PRSS23: variants seen among roughly 807,000 people sequenced by gnomAD.
The protein encoded by PRSS23 is serine protease 23.
A neutral mutation model predicts 34.7 loss-of-function variants in PRSS23; 25 were observed. That is an observed-to-expected ratio of 0.72 (90% CI 0.53 to 1.01). The LOEUF (loss-of-function observed/expected upper bound fraction) is 1.01. Ranked by LOEUF, PRSS23 falls within the 50% of genes least tolerant of loss-of-function variation. PRSS23 has a pLI of 0.00. For missense variants in PRSS23, 445 were observed against 475.6 expected (o/e 0.94, Z 0.60); for synonymous variants, 176 against 186.6 (o/e 0.94, Z 0.46).
chr11:86,808,259 G>T lies in PRSS23; in HGVS notation c.616G>T (p.Ala206Ser), dbSNP rs1676038478. ...KPKFKDGGRG[A>S]NDSTSAMPEQ... ...CAAGTTTAAAGATGGTGGTCGAGGGGCCAACGACTCCACTTCAGCCATGCC... is the reference window on the plus strand; with the variant it reads ...CAAGTTTAAAGATGGTGGTCGAGGGTCCAACGACTCCACTTCAGCCATGCC... Residue 206 changes from alanine (A) to serine (S), a missense_variant, in exon 2 of 2, where the codon GCC becomes TCC. Physicochemically the swap from Ala to Ser is moderately conservative, Grantham distance 99. Coordinates refer to ENST00000280258, the MANE Select transcript of PRSS23 (RefSeq NM_007173.6). 1 of 1,614,078 alleles carries T rather than the reference G, an allele frequency of 6.2e-7. No homozygotes were observed. Among genetic ancestry groups the T allele is most frequent in the Non-Finnish European group, 8.5e-7 (1 of 1,180,046 alleles).
chr11:86,871,116 G>C lies in PRSS23; in HGVS notation c.206+47523G>C, dbSNP rs141739265. Among the ~76,000 whole-genome samples, 258 of 152,210 alleles carry C rather than the reference G, an allele frequency of 1.7e-3. 2 individuals carry two copies. The highest frequency in any genetic ancestry group is 6.0e-3 in the African/African-American group (248 of 41,522). On this transcript the variant is annotated intron_variant, in intron 2 of 2. Transcript: ENST00000533902. ...CTTAGACTATATTTTCCTTTGAAGAGCATGGAGTTTTATTTTAGCACGCAC... is the reference window on the plus strand; with the variant it reads ...CTTAGACTATATTTTCCTTTGAAGACCATGGAGTTTTATTTTAGCACGCAC...
chr11:86,819,678 C>T (rs557219610), intron 1 of PRSS23, among the ~76,000 whole-genome samples: 14 of 152,258 alleles, frequency 9.2e-5, no homozygotes, highest in Middle Eastern at 3.4e-3. Context: ...TCTCAGTATA[C>T]TACTGTTCCC....
intron 2 of PRSS23, among the ~76,000 whole-genome samples, chr11:86,930,917 C>A (rs941516110): frequency 1.3e-5 from 2 of 151,972 alleles, no homozygotes; most frequent in African/African-American, 2.4e-5. Flanking sequence ...AGAAAAACAG[C>A]GGGCAGGAAG....
chr11:86,883,292 A>C (rs1948783116), intron 2 of PRSS23, among the ~76,000 whole-genome samples: 6 of 152,256 alleles, frequency 3.9e-5, no homozygotes, highest in Admixed American at 3.9e-4. Context: ...GTACAAAAAC[A>C]GACACATAGG....
intron 2 of PRSS23, chr11:86,934,999 A>T (rs1949151820): frequency 6.6e-6 from 1 of 152,246 alleles, no homozygotes; most frequent in African/African-American, 2.4e-5. Flanking sequence ...ACACATACAT[A>T]AAATCCTTAA....
chr11:86,814,866 C>T (rs1948204355), downstream of PRSS23, among the ~76,000 whole-genome samples: 1 of 152,154 alleles, frequency 6.6e-6, no homozygotes, highest in Non-Finnish European at 1.5e-5. Flanking sequence ...CCAATGTTTT[C>T]TGAGAGGCAG....
chr11:86,797,328 T>C (rs1463272988), upstream of PRSS23, among the ~76,000 whole-genome samples: 1 of 152,220 alleles, frequency 6.6e-6, no homozygotes. Flanking sequence ...TGGTCATTTG[T>C]CTCAGAGGTC....
chr11:86,939,426 A>ATATATATATATATATTTTTTTTTT, intron 2 of PRSS23, among the ~76,000 whole-genome samples: 1 of 94,074 alleles, frequency 1.1e-5, no homozygotes, highest in East Asian at 3.0e-4. Flanking sequence ...ATATATATAT[A>ATATATATATATATATTTTTTTTTT]TTTTTTAACA....
chr11:86,902,135 T>TG (rs1436537390), intron 2 of PRSS23, among the ~76,000 whole-genome samples: 2 of 152,162 alleles, frequency 1.3e-5, no homozygotes. Flanking sequence ...TTGTGGAGTT[T>TG]TCTTTCACTG....
intron 2 of PRSS23, among the ~76,000 whole-genome samples, chr11:86,894,320 T>G (rs1055294208): frequency 1.3e-5 from 2 of 152,234 alleles, no homozygotes; most frequent in Admixed American, 6.5e-5. Flanking sequence ...AGAATTTGTT[T>G]GCATATGGAA....
intron 2 of PRSS23, among the ~76,000 whole-genome samples, chr11:86,877,152 C>T (rs1948730330): frequency 6.6e-6 from 1 of 152,186 alleles, no homozygotes; most frequent in East Asian, 1.9e-4. Flanking sequence ...TCTATTATGG[C>T]TTTATCCATT....
rs1348052810 is a variant in PRSS23, at chr11:86,809,130, CTTGTT to C, written c.*337_*341del. 20 of 217,474 alleles carry C rather than the reference CTTGTT, an allele frequency of 9.2e-5. No individual in the cohort carries two copies. Among genetic ancestry groups the C allele is most frequent in the Middle Eastern group, 1.8e-3 (1 of 542 alleles). The allele number at this position is 217,474 out of a possible 1,614,324, so 13.5% of individuals were successfully genotyped here. On this transcript the variant is annotated 3_prime_UTR_variant, in exon 2 of 2. Transcript: ENST00000280258. ...AACTTTGATTTTTATTTCATCTGAA[CTTGTT>C]TCAAAGATTTATATTAAATATTTGG...
At chr11:86,932,143 G>A (rs1949130381) in intron 2 of PRSS23, among the ~76,000 whole-genome samples, 1 of 152,128 alleles carries the variant, frequency 6.6e-6, no homozygotes, top group Admixed American at 6.6e-5. Flanking sequence ...TGATCATGTG[G>A]TTGGTTTGTC....
chr11:86,939,334 A>C lies in PRSS23; in HGVS notation c.207-11882A>C, dbSNP rs1399902984. ...TTAGAGCCCTCTTTTAAAAGAAACAAAGCTTCAAAAAACACTGACCTCAGG... is the reference window on the plus strand; with the variant it reads ...TTAGAGCCCTCTTTTAAAAGAAACACAGCTTCAAAAAACACTGACCTCAGG... On this transcript the variant is annotated intron_variant, in intron 2 of 2. Coordinates refer to the PRSS23 transcript ENST00000533902. Among the ~76,000 whole-genome samples the C allele has an allele frequency of 6.7e-5, 10 of 148,738 alleles. No homozygotes were observed. The East Asian group carries it at 1.6e-3, about 24-fold the overall frequency.
intron 2 of PRSS23, among the ~76,000 whole-genome samples, chr11:86,845,169 T>C (rs995659111): frequency 3.3e-5 from 5 of 152,080 alleles, no homozygotes; most frequent in Non-Finnish European, 5.9e-5. Context: ...AAGGTTCTAT[T>C]CAATAATTAA....
intron 1 of PRSS23, among the ~76,000 whole-genome samples, chr11:86,822,491 T>C (rs1012269368): frequency 6.6e-6 from 1 of 151,852 alleles, no homozygotes; most frequent in Admixed American, 6.6e-5. Flanking sequence ...TGCAGTGAAG[T>C]GTGCCTATAG....
At chr11:86,911,571 A>C (rs756031848) in intron 2 of PRSS23, 2 of 152,180 alleles carry the variant, frequency 1.3e-5, no homozygotes, top group Non-Finnish European at 2.9e-5. Flanking sequence ...GAGAACATGC[A>C]GTATCGGATT....
intron 2 of PRSS23, among the ~76,000 whole-genome samples, chr11:86,841,339 C>A (rs867997247): frequency 1.1e-3 from 111 of 103,638 alleles, no homozygotes; most frequent in South Asian, 2.5e-3. Context: ...AACTCCATCT[C>A]AAAAAAAAAA....
intron 2 of PRSS23, among the ~76,000 whole-genome samples, chr11:86,856,251 A>T (rs12795324): frequency 1.3e-5 from 2 of 151,992 alleles, no homozygotes; most frequent in Non-Finnish European, 2.9e-5. Flanking sequence ...TCATATTACA[A>T]TTAACTTCTG....
Sources: allele counts gnomAD v4.1 joint callset (sites outside exome capture counted in the v4.1 genomes callset), GRCh38; gene constraint gnomAD v4.1.1; transcripts MANE v1.5; gene names NCBI Gene and HGNC (gene_info 2026-07-23, HGNC 2026-07-21).